Variants in PIP5K1A observed in about 807,000 individuals in gnomAD.
PIP5K1A encodes the protein phosphatidylinositol 4-phosphate 5-kinase type-1 alpha.
A neutral mutation model predicts 72.9 loss-of-function variants in PIP5K1A; 46 were observed. The observed-to-expected ratio is 0.63, with a 90% CI of 0.50 to 0.81. The LOEUF (loss-of-function observed/expected upper bound fraction) is 0.81. Among genes scored for constraint, PIP5K1A ranks in the 30% least tolerant of loss-of-function variants. The probability of loss-of-function intolerance (pLI) is 0.00; values close to 1 mark genes in which losing one functional copy is unlikely to be tolerated. For missense variants in PIP5K1A, 458 were observed against 706.1 expected (o/e 0.65, Z 3.98); for synonymous variants, 228 against 255.1 (o/e 0.89, Z 1.01).
At chr1:151,210,036 A>G (rs1423279880) in intron 1 of PIP5K1A, among the ~76,000 whole-genome samples, 2 of 151,356 alleles carry the variant, frequency 1.3e-5, no homozygotes, top group Non-Finnish European at 2.9e-5. Context: ...GGTGCCCGCC[A>G]CCGTGTCTGG....
chr1:151,197,272 TTTTG>T (rs752415961), upstream of PIP5K1A, among the ~76,000 whole-genome samples: 11 of 151,738 alleles, frequency 7.2e-5, no homozygotes, highest in Non-Finnish European at 1.0e-4. Flanking sequence ...AACCTGTTTT[TTTTG>T]TTTGTTTGTT....
chr1:151,232,826 C>T (rs587595026), intron 7 of PIP5K1A, 123 bp downstream of exon 7: 293 of 828,264 alleles, frequency 3.5e-4, no homozygotes, highest in South Asian at 2.7e-3. Flanking sequence ...TCAGGCCAGG[C>T]ACGGTGGCTC....
At chr1:151,242,392 T>C in intron 13 of PIP5K1A, 46 bp from the exon 14 acceptor site, 1 of 1,610,774 alleles carries the variant, frequency 6.2e-7, no homozygotes. Context: ...TGCTACATAT[T>C]TTTCCTTGTA....
At position 151,224,409 on chromosome 1, in the gene PIP5K1A, A is replaced by G. The variant is rs764249227; in HGVS notation, c.156+3A>G. The G allele has an allele frequency of 2.5e-6, 4 of 1,584,916 alleles. No individual in the cohort carries two copies. Among genetic ancestry groups the G allele is most frequent in the Non-Finnish European group, 3.5e-6 (4 of 1,154,340 alleles). On this transcript the variant is annotated splice_donor_region_variant and intron_variant, in intron 3 of 15. Transcript: ENST00000368888. The stretch of plus-strand genomic sequence containing the variant: ...GACAGGATTCTTACATCTCATTGGT[A>G]GGCTAGAAATTATGCAACTCATCTT...
chr1:151,228,528 A>G (rs374699293), intron 4 of PIP5K1A, among the ~76,000 whole-genome samples: 3 of 152,136 alleles, frequency 2.0e-5, no homozygotes, highest in African/African-American at 7.2e-5. Flanking sequence ...CTGAATATCA[A>G]ATGGACTGGA....
chr1:151,198,895 A>G lies in PIP5K1A; in HGVS notation c.-102A>G. 8.5e-7 allele frequency: 1 copy of G among 1,181,860 alleles called. No individual in the cohort carries two copies. The highest frequency in any genetic ancestry group is 1.3e-5 in the South Asian group (1 of 77,622). 73.2% of individuals were successfully genotyped at this position (1,181,860 alleles called of 1,614,324 possible). A position where few individuals can be genotyped will look rare whatever the true frequency, so the allele number is the denominator to read the frequency against. On this transcript the variant is annotated 5_prime_UTR_variant, in exon 1 of 16. Coordinates refer to ENST00000368888, the MANE Select transcript of PIP5K1A (RefSeq NM_001135638.2). The stretch of plus-strand genomic sequence containing the variant: ...GAGGGGGCGGGGAGGTGGCCCACAG[A>G]ACGCGGGTTCTGTAAAGAGACGTTG...
chr1:151,238,786 G>A (rs1691237684), intron 10 of PIP5K1A, among the ~76,000 whole-genome samples: 2 of 152,310 alleles, frequency 1.3e-5, no homozygotes, highest in South Asian at 2.1e-4. Flanking sequence ...TGATTTGTTG[G>A]TTCAGTATTA....
chr1:151,209,401 G>T (rs1686451313), intron 1 of PIP5K1A, among the ~76,000 whole-genome samples: 2 of 150,506 alleles, frequency 1.3e-5, no homozygotes, highest in Non-Finnish European at 2.9e-5. Flanking sequence ...CTCTCTAGTA[G>T]CTGGGATTAC....
chr1:151,220,786 C>G (rs1433515361), intron 1 of PIP5K1A, among the ~76,000 whole-genome samples: 1 of 152,102 alleles, frequency 6.6e-6, no homozygotes, highest in Non-Finnish European at 1.5e-5. Flanking sequence ...GCTTTGATAA[C>G]AGCATTTTGC....
chr1:151,232,707 A>C lies in PIP5K1A; in HGVS notation c.639+4A>C. ...GCTGCTTCCAGGATACTACATGGTAAGGGAGAGAGAAGCACTGTCCACCTG... is the reference window on the plus strand; with the variant it reads ...GCTGCTTCCAGGATACTACATGGTACGGGAGAGAGAAGCACTGTCCACCTG... On this transcript the variant is annotated splice_donor_region_variant and intron_variant, in intron 7 of 15. Transcript: ENST00000368888. The C allele has an allele frequency of 6.2e-7, 1 of 1,612,778 alleles. No homozygotes were observed.
chr1:151,225,971 G>C (rs932445465), intron 3 of PIP5K1A, among the ~76,000 whole-genome samples: 6 of 151,596 alleles, frequency 4.0e-5, no homozygotes, highest in Non-Finnish European at 8.8e-5. Context: ...TGGAGATGGA[G>C]ATTTGCCATG....
chr1:151,244,177 C>A (rs1335000339), intron 14 of PIP5K1A, among the ~76,000 whole-genome samples: 3 of 130,682 alleles, frequency 2.3e-5, no homozygotes, highest in Non-Finnish European at 1.6e-5. Flanking sequence ...CGAAAAAATA[C>A]TGAAAAAAAA....
At chr1:151,234,062 T>C (rs1459728315) in intron 7 of PIP5K1A, 135 bp from the exon 8 acceptor site, 2 of 668,938 alleles carry the variant, frequency 3.0e-6, no homozygotes, top group Non-Finnish European at 5.4e-6. Context: ...GCATATATGA[T>C]GTAGGTTTAT....
At chr1:151,212,832 C>A (rs925419334) in intron 1 of PIP5K1A, among the ~76,000 whole-genome samples, 3 of 149,050 alleles carry the variant, frequency 2.0e-5, no homozygotes, top group Non-Finnish European at 3.0e-5. Flanking sequence ...CTCGGCCTCA[C>A]AAAGTGCTGG....
chr1:151,231,194 A>G (rs1330529075), intron 4 of PIP5K1A, among the ~76,000 whole-genome samples: 1 of 142,096 alleles, frequency 7.0e-6, no homozygotes, highest in Non-Finnish European at 1.5e-5. Flanking sequence ...CCTGGGTGAC[A>G]GAGTGAGACT....
At position 151,198,700 on chromosome 1, in the gene PIP5K1A, C is replaced by G; in HGVS notation, c.-297C>G. 2.2e-6 allele frequency: 1 copy of G among 450,816 alleles called. No individual in the cohort carries two copies. The highest frequency in any genetic ancestry group is 3.7e-5 in the East Asian group (1 of 27,050). The allele number at this position is 450,816 out of a possible 1,614,324, so 27.9% of individuals were successfully genotyped here. A position where few individuals can be genotyped will look rare whatever the true frequency, so the allele number is the denominator to read the frequency against. On this transcript the variant is annotated 5_prime_UTR_variant, in exon 1 of 16. Transcript: ENST00000368888. ...ATGTGGCTTGGTCTGGGCGCAAGGT[C>G]CCAGCAGCCAGCTTAAGCTTACTCT...
intron 14 of PIP5K1A, among the ~76,000 whole-genome samples, chr1:151,244,853 G>A (rs7531602): frequency 0.014 from 2,119 of 151,630 alleles, 14 homozygotes; most frequent in Non-Finnish European, 0.023. Context: ...GTCTTAATAA[G>A]ATGTTTCACA....
In PIP5K1A at chr1:151,236,627, C is replaced by G. The variant is rs985420378; in HGVS notation, c.1009C>G (p.Arg337Gly). The change falls in exon 9 of 16, where the codon CGA becomes GGA. Residue 337 changes from arginine to glycine, a missense_variant. By Grantham distance (125) the Arg-to-Gly change is moderately radical. Transcript: ENST00000368888. ...MSIHNIDHAQ[R>G]EPLSSETQYS... is the part of the protein sequence containing the mutation. ...AATCCATAATATAGATCATGCACAA[C>G]GAGAGCCCTTAAGCAGTGAAACACA... 3 of 1,612,890 alleles carry G rather than the reference C, an allele frequency of 1.9e-6. No homozygotes were observed. The South Asian group carries it at 3.3e-5, about 18-fold the overall frequency.
chr1:151,227,299 T>G, intron 3 of PIP5K1A, 21 bp from the exon 4 acceptor site: 1 of 1,525,454 alleles, frequency 6.6e-7, no homozygotes, highest in Non-Finnish European at 9.1e-7. Flanking sequence ...AATTGTATTA[T>G]AATCTTGACT....
Sources: allele counts gnomAD v4.1 joint callset (sites outside exome capture counted in the v4.1 genomes callset), GRCh38; gene constraint gnomAD v4.1.1; transcripts MANE v1.5; gene names NCBI Gene and HGNC (gene_info 2026-07-23, HGNC 2026-07-21).